The following ARHGEF11 variants were observed in gnomAD, a reference collection of about 807,000 sequenced individuals.
ARHGEF11 encodes Rho guanine nucleotide exchange factor 11.
ARHGEF11 carries 55 observed loss-of-function variants against 193.7 expected under a neutral mutation model. That is an observed-to-expected ratio of 0.28 (90% CI 0.23 to 0.36). The LOEUF (loss-of-function observed/expected upper bound fraction) is 0.36. Ranked by LOEUF, ARHGEF11 falls within the 10% of genes least tolerant of loss-of-function variation. The probability of loss-of-function intolerance (pLI) is 1.00; values close to 1 mark genes in which losing one functional copy is unlikely to be tolerated. For synonymous variants in ARHGEF11, 693 were observed against 768.0 expected (o/e 0.90, Z 1.62); for missense variants, 1,723 against 2,005.6 (o/e 0.86, Z 2.69).
chr1:156,983,367 G>A (rs1664472916), intron 3 of ARHGEF11, among the ~76,000 whole-genome samples: 3 of 152,098 alleles, frequency 2.0e-5, no homozygotes, highest in South Asian at 4.1e-4. Context: ...GACTACAGGC[G>A]CCTGCCACCA....
At position 156,939,944 on chromosome 1, in the gene ARHGEF11, T is replaced by C. The variant is rs368998920; in HGVS notation, c.3734-34A>G. 7.5e-5 allele frequency: 120 copies of C among 1,595,074 alleles called. No homozygotes were observed. The Admixed American group carries it at 2.0e-3, about 26-fold the overall frequency. On this transcript the variant is annotated intron_variant, in intron 36 of 40. Transcript: ENST00000368194. ...GAAACAGGGTGATGTCTTCCCAGCA[T>C]GGGACTGCACACCACGCCAGAAGGA...
chr1:156,954,689 C>G (rs1659684401), intron 21 of ARHGEF11, among the ~76,000 whole-genome samples: 1 of 152,222 alleles, frequency 6.6e-6, no homozygotes, highest in South Asian at 2.1e-4. Flanking sequence ...AGGGTGGTGC[C>G]CTCCCCAATC....
Position 156,958,530 on chromosome 1 carries a change from T to C in ARHGEF11, c.1502+212A>G, listed in dbSNP as rs543450943. Among the ~76,000 whole-genome samples, 13 of 152,232 alleles carry C rather than the reference T, an allele frequency of 8.5e-5. No individual in the cohort carries two copies. In the East Asian group the frequency reaches 2.5e-3, roughly 29 times the overall value. On this transcript the variant is annotated intron_variant, in intron 17 of 40. Transcript: ENST00000368194. The stretch of plus-strand genomic sequence containing the variant: ...CCCGTGGTCTGTCATAACCACCAAA[T>C]GACTATCAGGAGCTCCAGGCTCTGC...
In ARHGEF11 at chr1:156,940,359, C is replaced by G; in HGVS notation, c.3581G>C (p.Gly1194Ala). Residue 1194 changes from glycine to alanine, a missense_variant, in exon 36 of 41, where the codon GGC becomes GCC. Transcript: ENST00000368194. ...QVLLEDPEQE[G>A]SAEEEELGVL... Reference sequence around the variant, plus strand: ...ACCCAGTTCCTCTTCCTCTGCACTGCCCTCCTGCTCAGGGTCCTCTAGCAG... The same window carrying G: ...ACCCAGTTCCTCTTCCTCTGCACTGGCCTCCTGCTCAGGGTCCTCTAGCAG... 1 of 1,613,660 alleles carries G rather than the reference C, an allele frequency of 6.2e-7. No individual in the cohort carries two copies. The highest frequency in any genetic ancestry group is 8.5e-7 in the Non-Finnish European group (1 of 1,179,734).
rs772984467 is a variant in ARHGEF11 at position 156,987,853 on chromosome 1, C to G, written c.33-1680G>C. ...AAGAAAAACAAAACACGACATAAAC[C>G]AGACAAGACACTAGGGATGGTTGGT... is the stretch of plus-strand genomic sequence containing the variant. On this transcript the variant is annotated intron_variant, in intron 1 of 40. Transcript: ENST00000368194. 3.8e-4 allele frequency among the ~76,000 whole-genome samples: 58 copies of G among 152,132 alleles called. 1 individual carries two copies. Among genetic ancestry groups the G allele is most frequent in the Non-Finnish European group, 7.1e-4 (48 of 68,018 alleles).
rs544814817 is a variant in ARHGEF11 at position 157,026,237 on chromosome 1, G to C, written c.32+18062C>G. ...GAGAACTTCAAAGTTACCACTTTGG[G>C]AGATTCTTTTCTCTACCTTCTGTAG... is the stretch of plus-strand genomic sequence containing the variant. On this transcript the variant is annotated intron_variant, in intron 1 of 40. Transcript: ENST00000368194. Among the ~76,000 whole-genome samples the C allele has an allele frequency of 5.3e-5, 8 of 152,290 alleles. No homozygotes were observed. The East Asian group carries it at 1.5e-3, about 29-fold the overall frequency.
Position 156,984,447 on chromosome 1 carries a change from G to A in ARHGEF11, c.125-10C>T, listed in dbSNP as rs745355120. ...CAGCGTTGAACGAGACCTGGAAGGC[G>A]GAGAGAAAGGTTGAGTACGCAGTGT... On this transcript the variant is annotated splice_polypyrimidine_tract_variant and intron_variant, in intron 2 of 40. Transcript: ENST00000368194. 13 of 1,573,308 alleles carry A rather than the reference G, an allele frequency of 8.3e-6. No individual in the cohort carries two copies. The Admixed American group carries it at 1.5e-4, about 18-fold the overall frequency.
rs1352457032 is a variant in ARHGEF11 at position 156,971,692 on chromosome 1, C to T, written c.702+5G>A. ...CCTTACTAGAGCTGTGCCTACATCA[C>T]TCACCACTGAGCCACCAGTCTCCTG... is the stretch of plus-strand genomic sequence containing the variant. On this transcript the variant is annotated splice_donor_5th_base_variant and intron_variant, in intron 8 of 40. Coordinates refer to ENST00000368194, the MANE Select transcript of ARHGEF11 (RefSeq NM_198236.3). 1 of 1,613,452 alleles carries T rather than the reference C, an allele frequency of 6.2e-7. No homozygotes were observed. Among genetic ancestry groups the T allele is most frequent in the Non-Finnish European group, 8.5e-7 (1 of 1,179,714 alleles).
chr1:157,023,727 T>C (rs370085074), intron 1 of ARHGEF11, among the ~76,000 whole-genome samples: 3 of 150,698 alleles, frequency 2.0e-5, no homozygotes, highest in Non-Finnish European at 4.4e-5. Flanking sequence ...GATTGTGCCA[T>C]TGCACTCCAG....
chr1:156,980,144 C>A (rs1223165767), intron 4 of ARHGEF11, among the ~76,000 whole-genome samples: 1 of 152,178 alleles, frequency 6.6e-6, no homozygotes, highest in Non-Finnish European at 1.5e-5. Context: ...TAGTTACTAA[C>A]CCTCCCTCTT....
chr1:157,040,903 A>G (rs985134689), intron 1 of ARHGEF11, among the ~76,000 whole-genome samples: 5 of 152,218 alleles, frequency 3.3e-5, no homozygotes, highest in African/African-American at 1.2e-4. Context: ...ATGACACACC[A>G]TATAAAAATG....
intron 11 of ARHGEF11, among the ~76,000 whole-genome samples, chr1:156,964,122 C>T (rs1364183849): frequency 1.3e-5 from 2 of 152,182 alleles, no homozygotes; most frequent in Non-Finnish European, 2.9e-5. Context: ...AATGGAGATG[C>T]GGCTGATCTT....
Position 156,937,509 on chromosome 1 carries a change from T to C in ARHGEF11, c.4193-13A>G. 1 of 1,512,296 alleles carries C rather than the reference T, an allele frequency of 6.6e-7. No individual in the cohort carries two copies. Among genetic ancestry groups the C allele is most frequent in the Non-Finnish European group, 8.8e-7 (1 of 1,131,734 alleles). The allele number at this position is 1,512,296 out of a possible 1,614,324, so 93.7% of individuals were successfully genotyped here. A position where few individuals can be genotyped will look rare whatever the true frequency, so the allele number is the denominator to read the frequency against. ...TAAAAGCAGTTCCCTGTCCCCACAG[T>C]AAGAGAATGAGATCAGGAGGCAAAC... On this transcript the variant is annotated splice_polypyrimidine_tract_variant and intron_variant, in intron 38 of 40. Transcript: ENST00000368194.
At position 156,947,288 on chromosome 1, in the gene ARHGEF11, G is replaced by C; in HGVS notation, c.2488+16C>G. 2 of 1,592,636 alleles carry C rather than the reference G, an allele frequency of 1.3e-6. No individual in the cohort carries two copies. The highest frequency in any genetic ancestry group is 1.7e-6 in the Non-Finnish European group (2 of 1,171,644). On this transcript the variant is annotated intron_variant, in intron 26 of 40. Transcript: ENST00000368194. Reference sequence around the variant, plus strand: ...GGGCAGCAGAAGAGGAGTCTGGAGGGGCACAGGCTCCTTACTGTGAATCTC... The same window carrying C: ...GGGCAGCAGAAGAGGAGTCTGGAGGCGCACAGGCTCCTTACTGTGAATCTC...
chr1:156,947,727 A>G (rs766749209), intron 25 of ARHGEF11, 42 bp downstream of exon 25: 21 of 1,602,556 alleles, frequency 1.3e-5, no homozygotes, highest in Non-Finnish European at 1.7e-5. Context: ...ACCTATTCCC[A>G]CACGTGTGAG....
In ARHGEF11 at chr1:156,993,919, A is replaced by C. The variant is rs76020141; in HGVS notation, c.33-7746T>G. Among the ~76,000 whole-genome samples the C allele has an allele frequency of 5.2e-3, 795 of 152,244 alleles. 9 individuals carry two copies. The highest frequency in any genetic ancestry group is 0.018 in the African/African-American group (755 of 41,536). On this transcript the variant is annotated intron_variant, in intron 1 of 40. Coordinates refer to ENST00000368194, the MANE Select transcript of ARHGEF11 (RefSeq NM_198236.3). The stretch of plus-strand genomic sequence containing the variant: ...CAGAGAAGGTTCACTCCTCAGTTGG[A>C]TCACTTTCTAGCTATCCAGCAGCAT...
At chr1:157,033,876 T>TC (rs1671592444) in intron 1 of ARHGEF11, among the ~76,000 whole-genome samples, 1 of 152,212 alleles carries the variant, frequency 6.6e-6, no homozygotes, top group Non-Finnish European at 1.5e-5. Context: ...TAGGTGTCTC[T>TC]CCCAGTGCTT....
intron 21 of ARHGEF11, among the ~76,000 whole-genome samples, chr1:156,953,480 C>T (rs1164643230): frequency 9.9e-5 from 15 of 152,144 alleles, no homozygotes; most frequent in Admixed American, 9.8e-4. Flanking sequence ...GACTGGATTT[C>T]AAGGCCATTC....
rs148255133 is a variant in ARHGEF11, at chr1:157,031,886, T to C, written c.32+12413A>G. Among the ~76,000 whole-genome samples, 665 of 152,322 alleles carry C rather than the reference T, an allele frequency of 4.4e-3. 4 individuals are homozygous for C. Among genetic ancestry groups the C allele is most frequent in the African/African-American group, 0.014 (584 of 41,572 alleles). The stretch of plus-strand genomic sequence containing the variant: ...TGCAGTAACCACGTGTTAAGAGCTC[T>C]AACAACATTCTAAGAGGCAACAATG... On this transcript the variant is annotated intron_variant, in intron 1 of 40. Coordinates refer to ENST00000368194, the MANE Select transcript of ARHGEF11 (RefSeq NM_198236.3).
Sources: allele counts gnomAD v4.1 joint callset (sites outside exome capture counted in the v4.1 genomes callset), GRCh38; gene constraint gnomAD v4.1.1; transcripts MANE v1.5; gene names NCBI Gene and HGNC (gene_info 2026-07-23, HGNC 2026-07-21).